The following OR51B5 variants were observed in gnomAD, a reference collection of about 807,000 sequenced individuals.
OR51B5 encodes olfactory receptor family 51 subfamily B member 5, also known as olfactory receptor 51B5.
For synonymous variants in OR51B5, 186 were observed against 144.8 expected, an observed-to-expected ratio of 1.28 and a Z score of -2.04; for missense variants, 456 against 374.6, an observed-to-expected ratio of 1.22 and a Z score of -1.79.
In OR51B5 at chr11:5,452,572, CACA is replaced by C. The variant is rs573557493; in HGVS notation, n.84+52994_84+52996del. ...AACAGGGACTGTTTGAATATATTTG[CACA>C]ACAAGAGCGACTTTACGAGATATGG... On this transcript the variant is annotated intron_variant and non_coding_transcript_variant, in intron 1 of 4. Transcript: ENST00000415970. 3.7e-3 allele frequency among the ~76,000 whole-genome samples: 493 copies of C among 132,014 alleles called. 3 individuals carry two copies. Among genetic ancestry groups the C allele is most frequent in the Non-Finnish European group, 6.0e-3 (381 of 63,660 alleles). The allele number at this position is 132,014 out of a possible 152,430, so 86.6% of individuals were successfully genotyped here. A position where few individuals can be genotyped will look rare whatever the true frequency, so the allele number is the denominator to read the frequency against.
chr11:5,352,054 A>G (rs1849100462), intron 1 of OR51B5: 1 of 1,614,038 alleles, frequency 6.2e-7, no homozygotes, highest in East Asian at 2.2e-5. Context: ...CCAAGATGTC[A>G]TCAAGCTAGC....
At chr11:5,369,620 G>C (rs930805016) in intron 1 of OR51B5, among the ~76,000 whole-genome samples, 19 of 151,892 alleles carry the variant, frequency 1.3e-4, no homozygotes, top group Non-Finnish European at 2.5e-4. Context: ...ATAAAGTAAA[G>C]ACCTTTTATC....
At chr11:5,360,932 T>G (rs1047857067) in intron 1 of OR51B5, among the ~76,000 whole-genome samples, 1 of 150,860 alleles carries the variant, frequency 6.6e-6, no homozygotes, top group Non-Finnish European at 1.5e-5. Flanking sequence ...TAGGTGGGAA[T>G]TGAACAATGA....
At chr11:5,384,692 C>T (rs1010360224) in intron 1 of OR51B5, among the ~76,000 whole-genome samples, 21 of 152,202 alleles carry the variant, frequency 1.4e-4, no homozygotes, top group Admixed American at 1.1e-3. Context: ...CAGTCATTCA[C>T]TTATTCAACA....
intron 1 of OR51B5, among the ~76,000 whole-genome samples, chr11:5,419,484 T>C (rs1850297580): frequency 6.6e-6 from 1 of 152,216 alleles, no homozygotes; most frequent in Non-Finnish European, 1.5e-5. Context: ...CACAGATTAT[T>C]TTCCCCTGTC....
intron 1 of OR51B5, among the ~76,000 whole-genome samples, chr11:5,458,232 G>A (rs1850990591): frequency 6.6e-6 from 1 of 152,026 alleles, no homozygotes; most frequent in Admixed American, 6.6e-5. Context: ...GGAGTCTTTT[G>A]CCCACTCCTT....
chr11:5,422,947 TGTCCTG>T, intron 1 of OR51B5: 1 of 1,614,128 alleles, frequency 6.2e-7, no homozygotes. Context: ...ACATTCTAGC[TGTCCTG>T]GTCCTCTACA....
intron 1 of OR51B5, among the ~76,000 whole-genome samples, chr11:5,504,066 G>A (rs192590692): frequency 1.1e-3 from 167 of 152,128 alleles, no homozygotes; most frequent in Middle Eastern, 3.4e-3. Flanking sequence ...AACAGAGCCT[G>A]ACATATAGTA....
intron 1 of OR51B5, among the ~76,000 whole-genome samples, chr11:5,495,585 G>C (rs1168650582): frequency 2.0e-5 from 3 of 152,056 alleles, no homozygotes; most frequent in Admixed American, 2.0e-4. Context: ...ATCTGTAGTA[G>C]ATACACAGAA....
At chr11:5,439,453 G>A (rs1240081604) in intron 1 of OR51B5, among the ~76,000 whole-genome samples, 2 of 152,102 alleles carry the variant, frequency 1.3e-5, no homozygotes, top group South Asian at 2.1e-4. Context: ...AAGACCTTGT[G>A]CCCCAGTGTC....
At position 5,447,183 on chromosome 11, in the gene OR51B5, T is replaced by C. The variant is rs183199687; in HGVS notation, n.84+58386A>G. On this transcript the variant is annotated intron_variant and non_coding_transcript_variant, in intron 1 of 4. Coordinates refer to the OR51B5 transcript ENST00000415970. Reference sequence around the variant, plus strand: ...TTCTGTTCTGTACCAAGGCTAAGCCTGTTTACCCTCAAGTCCACTCCTGAC... The same window carrying C: ...TTCTGTTCTGTACCAAGGCTAAGCCCGTTTACCCTCAAGTCCACTCCTGAC... Among the ~76,000 whole-genome samples the C allele has an allele frequency of 9.0e-4, 137 of 152,360 alleles. 2 individuals carry two copies. The East Asian group carries it at 0.022, about 25-fold the overall frequency.
intron 1 of OR51B5, among the ~76,000 whole-genome samples, chr11:5,371,115 A>T (rs1849441735): frequency 6.6e-6 from 1 of 152,184 alleles, no homozygotes; most frequent in Non-Finnish European, 1.5e-5. Context: ...ATGGACCACC[A>T]TGGATATTGA....
downstream of OR51B5, chr11:5,341,369 A>C (rs1162686648): frequency 2.6e-5 from 4 of 152,198 alleles, no homozygotes; most frequent in Non-Finnish European, 5.9e-5. Context: ...CAACCTGCAG[A>C]AAGCAGAAAC....
chr11:5,471,731 G>A (rs897454047), intron 1 of OR51B5, among the ~76,000 whole-genome samples: 4 of 151,942 alleles, frequency 2.6e-5, no homozygotes, highest in Non-Finnish European at 4.4e-5. Context: ...AATTGTTTAG[G>A]TAAGTAAAAA....
chr11:5,389,609 A>G (rs1849758858), intron 1 of OR51B5: 1 of 1,613,772 alleles, frequency 6.2e-7, no homozygotes. Context: ...GCACACACCC[A>G]TGTACTATCT....
intron 1 of OR51B5, among the ~76,000 whole-genome samples, chr11:5,465,237 C>T (rs942840271): frequency 2.1e-5 from 3 of 139,614 alleles, no homozygotes; most frequent in Non-Finnish European, 3.1e-5. Flanking sequence ...AAAAGTGTTC[C>T]TATTTCTCCA....
intron 1 of OR51B5, among the ~76,000 whole-genome samples, chr11:5,348,978 A>C (rs1849034840): frequency 6.6e-6 from 1 of 152,136 alleles, no homozygotes; most frequent in Non-Finnish European, 1.5e-5. Flanking sequence ...GAGAGAATAT[A>C]TGAAAGTTAA....
chr11:5,488,712 A>G, intron 1 of OR51B5: 7 of 1,610,610 alleles, frequency 4.3e-6, no homozygotes, highest in Non-Finnish European at 5.9e-6. Flanking sequence ...GAAGAATGTC[A>G]GATTCCAACC....
chr11:5,467,021 A>G (rs367544760), intron 1 of OR51B5, among the ~76,000 whole-genome samples: 1 of 152,158 alleles, frequency 6.6e-6, no homozygotes, highest in African/African-American at 2.4e-5. Flanking sequence ...GGCTGAGGCT[A>G]TATCCTTTTG....
Sources: allele counts gnomAD v4.1 joint callset (sites outside exome capture counted in the v4.1 genomes callset), GRCh38; gene constraint gnomAD v4.1.1; transcripts MANE v1.5; gene names NCBI Gene and HGNC (gene_info 2026-07-23, HGNC 2026-07-21).